The following EGFR variants were observed in gnomAD, a reference collection of about 807,000 sequenced individuals.
EGFR encodes the protein epidermal growth factor receptor.
A neutral mutation model predicts 143.0 loss-of-function variants in EGFR; 58 were observed. The ratio of observed to expected loss-of-function variants is 0.41; its 90% CI spans 0.33 to 0.50. The LOEUF (loss-of-function observed/expected upper bound fraction) is 0.50. Ranked by LOEUF, EGFR falls within the 20% of genes least tolerant of loss-of-function variation. EGFR has a pLI of 0.39. For synonymous variants in EGFR, 613 were observed against 594.4 expected (o/e 1.03, Z -0.45); for missense variants, 1,307 against 1,579.0 (o/e 0.83, Z 2.92).
At chr7:55,146,121 C>G (rs1338183149) in intron 3 of EGFR, among the ~76,000 whole-genome samples, 5 of 151,992 alleles carry the variant, frequency 3.3e-5, no homozygotes, top group Non-Finnish European at 7.4e-5. Flanking sequence ...TGTTTCGTGT[C>G]ACTCTCATAT....
intron 19 of EGFR, among the ~76,000 whole-genome samples, chr7:55,178,509 G>A (rs1786706982): frequency 6.6e-6 from 1 of 152,190 alleles, no homozygotes; most frequent in Non-Finnish European, 1.5e-5. Flanking sequence ...CATGGAGGGA[G>A]CCAGGGTCAG....
chr7:55,069,907 A>C (rs1055872607), intron 1 of EGFR, among the ~76,000 whole-genome samples: 2 of 152,218 alleles, frequency 1.3e-5, no homozygotes, highest in Admixed American at 1.3e-4. Context: ...ACACTTACAC[A>C]CACATACACA....
intron 20 of EGFR, among the ~76,000 whole-genome samples, chr7:55,183,946 C>T (rs1031645308): frequency 2.0e-4 from 30 of 152,170 alleles, no homozygotes; most frequent in South Asian, 2.1e-4. Context: ...GAGAGGTGGT[C>T]GGGCCATCCG....
chr7:55,020,409 C>T (rs1786481828), intron 1 of EGFR, among the ~76,000 whole-genome samples: 1 of 152,246 alleles, frequency 6.6e-6, no homozygotes, highest in Admixed American at 6.5e-5. Context: ...GAGCGGAAGC[C>T]CCGGAAGCAG....
intron 1 of EGFR, chr7:55,119,028 TC>T (rs1793045517): frequency 1.3e-5 from 2 of 152,268 alleles, no homozygotes; most frequent in African/African-American, 4.8e-5. Flanking sequence ...AGCCTAAAAC[TC>T]TGCTCTTTCC....
At chr7:55,066,633 C>T (rs1789519980) in intron 1 of EGFR, among the ~76,000 whole-genome samples, 2 of 152,218 alleles carry the variant, frequency 1.3e-5, no homozygotes, top group Admixed American at 6.5e-5. Context: ...GCTTTGGTTG[C>T]TATTGTGAAA....
chr7:55,120,251 C>T (rs1290558809), intron 1 of EGFR, among the ~76,000 whole-genome samples: 1 of 152,156 alleles, frequency 6.6e-6, no homozygotes. Flanking sequence ...GGGACGCCAC[C>T]CACCCTCGTG....
intron 1 of EGFR, among the ~76,000 whole-genome samples, chr7:55,132,637 T>A (rs1001188301): frequency 6.6e-6 from 1 of 152,004 alleles, no homozygotes; most frequent in African/African-American, 2.4e-5. Flanking sequence ...TATTGGTGCT[T>A]TCGTCCCAGT....
rs116996728 is a variant in EGFR at position 55,068,410 on chromosome 7, G to A, written c.88+49045G>A. ...CCTGATATCTTGAGTTTACTTGGACGTAGAGTTTTCCTTGACTATGGTTAT... is the reference window on the plus strand; with the variant it reads ...CCTGATATCTTGAGTTTACTTGGACATAGAGTTTTCCTTGACTATGGTTAT... On this transcript the variant is annotated intron_variant, in intron 1 of 27. Coordinates refer to ENST00000275493, the MANE Select transcript of EGFR (RefSeq NM_005228.5). 5.0e-3 allele frequency among the ~76,000 whole-genome samples: 759 copies of A among 152,258 alleles called. 1 individual carries two copies. Among genetic ancestry groups the A allele is most frequent in the Admixed American group, 8.6e-3 (131 of 15,296 alleles).
At chr7:55,074,004 C>T (rs1789988845) in intron 1 of EGFR, among the ~76,000 whole-genome samples, 1 of 152,230 alleles carries the variant, frequency 6.6e-6, no homozygotes, top group African/African-American at 2.4e-5. Flanking sequence ...ACACCCTTCC[C>T]CTAGTCTGGA....
intron 1 of EGFR, among the ~76,000 whole-genome samples, chr7:55,054,081 A>C (rs1788647494): frequency 6.6e-6 from 1 of 151,874 alleles, no homozygotes; most frequent in Non-Finnish European, 1.5e-5. Flanking sequence ...AATTTCTGTC[A>C]ACCCTCAAAG....
At position 55,173,059 on chromosome 7, in the gene EGFR, C is replaced by T. The variant is rs771988878; in HGVS notation, c.1996C>T (p.Leu666Phe). The T allele has an allele frequency of 3.1e-6, 5 of 1,613,772 alleles. No individual in the cohort carries two copies. In the East Asian group the frequency reaches 8.9e-5, roughly 29 times the overall value. Residue 666 changes from leucine to phenylalanine, a missense_variant, in exon 17 of 28, where the codon CTC (leucine) becomes TTC (phenylalanine). Leu to Phe is a conservative substitution (Grantham distance 22). Coordinates refer to ENST00000275493, the MANE Select transcript of EGFR (RefSeq NM_005228.5). Reference protein sequence around the residue: ...LLLVVALGIGLFMRRRHIVRK... With the variant: ...LLLVVALGIGFFMRRRHIVRK... Reference sequence around the variant, plus strand: ...GCTGGTGGTGGCCCTGGGGATCGGCCTCTTCATGCGAAGGCGCCACATCGT... The same window carrying T: ...GCTGGTGGTGGCCCTGGGGATCGGCTTCTTCATGCGAAGGCGCCACATCGT...
chr7:55,069,749 A>T (rs1203262744), intron 1 of EGFR, among the ~76,000 whole-genome samples: 3 of 152,226 alleles, frequency 2.0e-5, no homozygotes, highest in Non-Finnish European at 4.4e-5. Flanking sequence ...AGATGCAGTG[A>T]ACTCAGGAAG....
chr7:55,028,721 C>A (rs1787080525), intron 1 of EGFR, among the ~76,000 whole-genome samples: 1 of 152,080 alleles, frequency 6.6e-6, no homozygotes, highest in East Asian at 1.9e-4. Context: ...GATCTAATGG[C>A]TCCAACTAGA....
chr7:55,080,058 T>G (rs1268924997), intron 1 of EGFR, among the ~76,000 whole-genome samples: 1 of 152,208 alleles, frequency 6.6e-6, no homozygotes, highest in Non-Finnish European at 1.5e-5. Flanking sequence ...TTGTGTCAGG[T>G]TTGAGAAGTC....
intron 1 of EGFR, among the ~76,000 whole-genome samples, chr7:55,051,612 A>G (rs1398083622): frequency 1.3e-5 from 2 of 152,188 alleles, no homozygotes; most frequent in Non-Finnish European, 2.9e-5. Flanking sequence ...TAAATTACCC[A>G]GTCTGTGGTA....
intron 14 of EGFR, among the ~76,000 whole-genome samples, chr7:55,164,840 C>T (rs932585713): frequency 6.6e-6 from 1 of 152,216 alleles, no homozygotes; most frequent in African/African-American, 2.4e-5. Flanking sequence ...TGCACAGAGA[C>T]TTGCCACCTT....
intron 1 of EGFR, among the ~76,000 whole-genome samples, chr7:55,065,141 G>C (rs545385668): frequency 6.6e-6 from 1 of 152,338 alleles, no homozygotes; most frequent in East Asian, 1.9e-4. Context: ...AATACTGGGA[G>C]AGCCAGATGA....
intron 1 of EGFR, among the ~76,000 whole-genome samples, chr7:55,053,779 G>A (rs944929625): frequency 2.6e-5 from 4 of 152,218 alleles, no homozygotes; most frequent in Admixed American, 2.6e-4. Flanking sequence ...GCAGGGCAGG[G>A]TGTTTCCTAG....
Sources: gnomAD v4.1 joint callset for allele counts (sites outside exome capture counted in the v4.1 genomes callset) on GRCh38, gnomAD v4.1.1 for gene constraint, MANE v1.5 for transcripts, NCBI Gene and HGNC (gene_info 2026-07-23, HGNC 2026-07-21) for gene names.